Variants in LMO7 observed in about 807,000 individuals in gnomAD.
LMO7 encodes LIM domain 7.
Under a neutral mutation model 206.5 loss-of-function variants are expected in LMO7, and 120 were observed. That is an observed-to-expected ratio of 0.58 (90% CI 0.50 to 0.68). The LOEUF (loss-of-function observed/expected upper bound fraction) is 0.68. Ranked by LOEUF, LMO7 falls within the 30% of genes least tolerant of loss-of-function variation. The probability of loss-of-function intolerance (pLI) is 0.00; values close to 1 mark genes in which losing one functional copy is unlikely to be tolerated. For synonymous variants in LMO7, 706 were observed against 681.5 expected, an observed-to-expected ratio of 1.04 and a Z score of -0.56; for missense variants, 1,959 against 1,957.9, an observed-to-expected ratio of 1.00 and a Z score of -0.01.
chr13:75,694,643 C>T (rs1369011607), intron 1 of LMO7, among the ~76,000 whole-genome samples: 1 of 152,048 alleles, frequency 6.6e-6, no homozygotes, highest in African/African-American at 2.4e-5. Context: ...GATGTTGAGT[C>T]TGGGACGTTG....
At chr13:75,752,452 T>G (rs1273421369) in intron 3 of LMO7, among the ~76,000 whole-genome samples, 1 of 152,016 alleles carries the variant, frequency 6.6e-6, no homozygotes, top group Non-Finnish European at 1.5e-5. Context: ...TTAAAAAAAT[T>G]TATATTCATG....
chr13:75,727,972 T>C (rs1009382170), intron 3 of LMO7, among the ~76,000 whole-genome samples: 59 of 152,110 alleles, frequency 3.9e-4, no homozygotes, highest in Non-Finnish European at 7.8e-4. Context: ...TTTTTATGGC[T>C]GCATAGTATT....
intron 10 of LMO7, 113 bp from the exon 11 acceptor site, chr13:75,809,041 T>A (rs1441998930): frequency 2.5e-6 from 2 of 795,686 alleles, no homozygotes; most frequent in Non-Finnish European, 4.4e-6. Context: ...AGAAGTGACC[T>A]TTTGAGATTT....
At chr13:75,673,886 A>T (rs969749273) in intron 1 of LMO7, among the ~76,000 whole-genome samples, 4 of 152,184 alleles carry the variant, frequency 2.6e-5, no homozygotes, top group African/African-American at 9.6e-5. Flanking sequence ...AAGCTTTGAC[A>T]TCTTTTTCTG....
Position 75,713,270 on chromosome 13 carries a change from T to A in LMO7, c.140+18T>A. 6.3e-7 allele frequency: 1 copy of A among 1,578,516 alleles called. No homozygotes were observed. The highest frequency in any genetic ancestry group is 2.3e-5 in the East Asian group (1 of 44,236). On this transcript the variant is annotated intron_variant, in intron 2 of 30. Coordinates refer to ENST00000377534, the MANE Select transcript of LMO7 (RefSeq NM_001306080.2). ...CTGTGTGAGTAAGTATTTAAAGTAT[T>A]TAAAAAATAATTCAAAAGCAAAGAT...
chr13:75,735,648 T>C (rs992333012), intron 3 of LMO7, among the ~76,000 whole-genome samples: 2 of 150,300 alleles, frequency 1.3e-5, no homozygotes, highest in African/African-American at 4.9e-5. Context: ...TTTTTTGTAT[T>C]TTTTTTTAGT....
rs1595477620 is a variant in LMO7, at chr13:75,843,582, G to A, written c.4097+666G>A. On this transcript the variant is annotated intron_variant, in intron 25 of 30. Coordinates refer to ENST00000377534, the MANE Select transcript of LMO7 (RefSeq NM_001306080.2). ...TATGGACATCTGAAATGGGAATGGT[G>A]ACATTTCTCTGAGGCAGTTTGGTTA... Among the ~76,000 whole-genome samples, 5 of 152,310 alleles carry A rather than the reference G, an allele frequency of 3.3e-5. No homozygotes were observed. In the East Asian group the frequency reaches 5.8e-4, roughly 18 times the overall value.
intron 1 of LMO7, among the ~76,000 whole-genome samples, chr13:75,647,766 C>A (rs2037165132): frequency 6.6e-6 from 1 of 151,976 alleles, no homozygotes; most frequent in African/African-American, 2.4e-5. Flanking sequence ...ACATCAGAGG[C>A]CCATCTCATG....
intron 4 of LMO7, among the ~76,000 whole-genome samples, chr13:75,777,636 TTTC>T (rs369956743): frequency 1.5e-3 from 220 of 142,206 alleles, no homozygotes; most frequent in African/African-American, 5.4e-3. Context: ...TACTTCTGAT[TTTC>T]TTTTCTTGTT....
At chr13:75,693,362 G>A (rs868376932) in intron 1 of LMO7, among the ~76,000 whole-genome samples, 2 of 152,158 alleles carry the variant, frequency 1.3e-5, no homozygotes, top group Non-Finnish European at 2.9e-5. Flanking sequence ...GCCTGTTTCT[G>A]GAATATGGGC....
At chr13:75,848,374 G>C (rs1306035158) in intron 26 of LMO7, among the ~76,000 whole-genome samples, 1 of 152,094 alleles carries the variant, frequency 6.6e-6, no homozygotes, top group Non-Finnish European at 1.5e-5. Flanking sequence ...TCTCATCCAG[G>C]TTGCTGCAAA....
chr13:75,776,833 C>T (rs888827467), intron 4 of LMO7, among the ~76,000 whole-genome samples: 4 of 152,158 alleles, frequency 2.6e-5, no homozygotes, highest in Non-Finnish European at 5.9e-5. Context: ...TAGTAAAGCT[C>T]TAGGTTGATT....
At chr13:75,763,754 T>C (rs1035198584) in intron 4 of LMO7, among the ~76,000 whole-genome samples, 3 of 151,998 alleles carry the variant, frequency 2.0e-5, no homozygotes, top group African/African-American at 2.4e-5. Context: ...TGCTGGCAAA[T>C]GAGGGGAACT....
chr13:75,815,974 A>G (rs1420238035), intron 11 of LMO7, among the ~76,000 whole-genome samples: 4 of 152,218 alleles, frequency 2.6e-5, no homozygotes, highest in Non-Finnish European at 4.4e-5. Context: ...AGTGAGTTAC[A>G]GTTTACAAAA....
chr13:75,806,353 T>C (rs956206653), intron 9 of LMO7: 2 of 612,464 alleles, frequency 3.3e-6, no homozygotes, highest in African/African-American at 4.0e-5. Context: ...GGGACCTGAT[T>C]GCACTGAATC....
At chr13:75,707,996 A>T (rs1341491563) in intron 1 of LMO7, among the ~76,000 whole-genome samples, 1 of 152,066 alleles carries the variant, frequency 6.6e-6, no homozygotes, top group Non-Finnish European at 1.5e-5. Context: ...TTATTAAAGG[A>T]TATTCTAAAT....
intron 1 of LMO7, among the ~76,000 whole-genome samples, chr13:75,650,539 G>C (rs1429941497): frequency 1.3e-5 from 2 of 152,046 alleles, no homozygotes; most frequent in Non-Finnish European, 2.9e-5. Flanking sequence ...AAAATCTAAG[G>C]CTAGTTGACT....
At chr13:75,820,163 G>A (rs531006681) in intron 13 of LMO7, among the ~76,000 whole-genome samples, 1 of 152,314 alleles carries the variant, frequency 6.6e-6, no homozygotes, top group East Asian at 1.9e-4. Flanking sequence ...CAGGTGAAAT[G>A]AAACAAAGCC....
chr13:75,652,614 AGT>A (rs59671117), intron 1 of LMO7, among the ~76,000 whole-genome samples: 17,542 of 137,706 alleles, frequency 0.13, 1,087 homozygotes, highest in Middle Eastern at 0.16. Context: ...CCACAAGTTC[AGT>A]GTGTGTGTGT....
Sources: gnomAD v4.1 joint callset for allele counts (sites outside exome capture counted in the v4.1 genomes callset) on GRCh38, gnomAD v4.1.1 for gene constraint, MANE v1.5 for transcripts, NCBI Gene and HGNC (gene_info 2026-07-23, HGNC 2026-07-21) for gene names.